Variants in IGSF9 observed in about 807,000 individuals in gnomAD.
IGSF9 encodes the protein immunoglobulin superfamily member 9.
A neutral mutation model predicts 121.7 loss-of-function variants in IGSF9; 87 were observed. The observed-to-expected ratio is 0.71, with a 90% CI of 0.60 to 0.85. The LOEUF is 0.85. Ranked by LOEUF, IGSF9 falls within the 40% of genes least tolerant of loss-of-function variation. The pLI, the probability that IGSF9 is intolerant of heterozygous loss-of-function variation, is 0.00. For missense variants in IGSF9, 1,462 were observed against 1,565.3 expected (o/e 0.93, Z 1.11); for synonymous variants, 640 against 648.4 (o/e 0.99, Z 0.20).
rs369791736 is a variant in IGSF9, at chr1:159,937,444, C to T, written c.400+242G>A. ...CAGGAGGGAAGAGAAAGAGGGAGTT[C>T]CTGACACCGAGCCTAGAAGGCTGAT... On this transcript the variant is annotated intron_variant, in intron 4 of 20. Transcript: ENST00000368094. Among the ~76,000 whole-genome samples, 28 of 152,134 alleles carry T rather than the reference C, an allele frequency of 1.8e-4. No individual in the cohort carries two copies. In the East Asian group the frequency reaches 5.4e-3, roughly 29 times the overall value.
chr1:159,942,431 G>A (rs1651415253), intron 3 of IGSF9, among the ~76,000 whole-genome samples: 1 of 152,122 alleles, frequency 6.6e-6, no homozygotes, highest in Non-Finnish European at 1.5e-5. Context: ...AGTGTCCCTG[G>A]AAAAGCAGAG....
chr1:159,930,873 A>C lies in IGSF9; in HGVS notation c.1638-6T>G. The stretch of plus-strand genomic sequence containing the variant: ...TTCGGTCAGGACGCTTGGCCCTGGG[A>C]GACATGAGGACATGGGGGGCACCTC... On this transcript the variant is annotated splice_polypyrimidine_tract_variant and splice_region_variant and intron_variant, in intron 13 of 20. Transcript: ENST00000368094. 1 of 1,596,750 alleles carries C rather than the reference A, an allele frequency of 6.3e-7. No individual in the cohort carries two copies. The highest frequency in any genetic ancestry group is 8.5e-7 in the Non-Finnish European group (1 of 1,171,110).
chr1:159,928,490 G>A lies in IGSF9; in HGVS notation c.2898C>T (p.Phe966=). 1 of 1,584,370 alleles carries A rather than the reference G, an allele frequency of 6.3e-7. No individual in the cohort carries two copies. Among genetic ancestry groups the A allele is most frequent in the South Asian group, 1.1e-5 (1 of 87,826 alleles). ...MDTRRCPTSS[F]LRSPETPPVS... Reference sequence around the variant, plus strand: ...CAGGAGGGGTTTCTGGAGAACGAAGGAAAGATGAGGTGGGACAGCGCCGGG... The same window carrying A: ...CAGGAGGGGTTTCTGGAGAACGAAGAAAAGATGAGGTGGGACAGCGCCGGG... Residue 966 remains phenylalanine, a synonymous_variant, in exon 19 of 21, where the codon TTC becomes TTT. Coordinates refer to ENST00000368094, the MANE Select transcript of IGSF9 (RefSeq NM_001135050.2).
At chr1:159,944,810 A>C in intron 1 of IGSF9, among the ~76,000 whole-genome samples, 1 of 151,996 alleles carries the variant, frequency 6.6e-6, no homozygotes, top group East Asian at 1.9e-4. Context: ...CTACTTAATG[A>C]TCCTGTATGT....
Position 159,936,310 on chromosome 1 carries a change from C to T in IGSF9, c.673+89G>A. The T allele has an allele frequency of 3.4e-6, 4 of 1,175,918 alleles. No individual in the cohort carries two copies. In the Admixed American group the frequency reaches 5.1e-5, roughly 15 times the overall value. 72.8% of individuals were successfully genotyped at this position (1,175,918 alleles called of 1,614,324 possible). The stretch of plus-strand genomic sequence containing the variant: ...GCCCTGCCCTCAGGCACAAATCTCC[C>T]TCCTATCTTGCTGTGAACCAATTCA... On this transcript the variant is annotated intron_variant, in intron 6 of 20. Coordinates refer to ENST00000368094, the MANE Select transcript of IGSF9 (RefSeq NM_001135050.2).
intron 7 of IGSF9, 37 bp downstream of exon 7, chr1:159,934,644 T>C: frequency 6.2e-7 from 1 of 1,614,028 alleles, no homozygotes; most frequent in Non-Finnish European, 8.5e-7. Flanking sequence ...TGTTTGTGAA[T>C]TCCCCACCTC....
rs762782876 is a variant in IGSF9, at chr1:159,927,097, C to CACACAG, written c.*247_*248insCTGTGT. On this transcript the variant is annotated 3_prime_UTR_variant, in exon 21 of 21. Coordinates refer to ENST00000368094, the MANE Select transcript of IGSF9 (RefSeq NM_001135050.2). Reference sequence around the variant, plus strand: ...AACTTCACACACACACACACACACACAGAGAGAGAGAGAGAGAGAGAGAGA... The same window carrying CACACAG: ...AACTTCACACACACACACACACACACACACAGAGAGAGAGAGAGAGAGAGAGAGAGA... 18 of 371,948 alleles carry CACACAG rather than the reference C, an allele frequency of 4.8e-5. No individual in the cohort carries two copies. The highest frequency in any genetic ancestry group is 3.3e-4 in the African/African-American group (14 of 42,330). The allele number at this position is 371,948 out of a possible 1,614,324, so 23.0% of individuals were successfully genotyped here.
chr1:159,937,048 C>T, intron 4 of IGSF9, 140 bp from the exon 5 acceptor site: 1 of 789,714 alleles, frequency 1.3e-6, no homozygotes, highest in Non-Finnish European at 2.0e-6. Context: ...CAGCCCAGGG[C>T]CACCCTGTCT....
In IGSF9 at chr1:159,934,296, G is replaced by A; in HGVS notation, c.998C>T (p.Pro333Leu). Residue 333 changes from proline to leucine, a missense_variant, in exon 9 of 21, where the codon CCC becomes CTC. Transcript: ENST00000368094. ...CACCCCCGGCATGCCTATGGGCAGG[G>A]GTGTCTCAGGAGGCATAGCTGTCAC... is the stretch of plus-strand genomic sequence containing the variant. The part of the protein sequence containing the change: ...AQVTAMPPET[P>L]LPIGMPGVIR... 6.2e-7 allele frequency: 1 copy of A among 1,609,876 alleles called. No homozygotes were observed. The highest frequency in any genetic ancestry group is 8.5e-7 in the Non-Finnish European group (1 of 1,177,938).
chr1:159,942,557 T>C (rs948567999), intron 3 of IGSF9, among the ~76,000 whole-genome samples: 2 of 152,040 alleles, frequency 1.3e-5, no homozygotes, highest in South Asian at 4.2e-4. Flanking sequence ...AGTGAGCAGA[T>C]AGTAGAGCCA....
At position 159,927,452 on chromosome 1, in the gene IGSF9, GGGCA is replaced by G. The variant is rs1387980431; in HGVS notation, c.3429_3432del (p.Ala1144PhefsTer39). 1 of 1,614,052 alleles carries G rather than the reference GGGCA, an allele frequency of 6.2e-7. No homozygotes were observed. Among genetic ancestry groups the G allele is most frequent in the Non-Finnish European group, 8.5e-7 (1 of 1,180,044 alleles). ...CGGAAGGCCAGGAATTCCTCCCGAA[GGGCA>G]GCACAGCGGGCCTCAGGGCCAGTAA... On this transcript the variant is annotated frameshift_variant, in exon 21 of 21. Coordinates refer to ENST00000368094, the MANE Select transcript of IGSF9 (RefSeq NM_001135050.2). LOFTEE classifies it high-confidence loss of function.
chr1:159,930,115 T>C (rs1333672554), intron 15 of IGSF9, 74 bp downstream of exon 15: 3 of 1,550,608 alleles, frequency 1.9e-6, no homozygotes, highest in Admixed American at 1.8e-5. Context: ...GATGAGAAGA[T>C]AGAGTTTGGG....
At chr1:159,938,672 A>G (rs116178342) in intron 3 of IGSF9, among the ~76,000 whole-genome samples, 3,106 of 152,338 alleles carry the variant, frequency 0.02, 75 homozygotes, top group South Asian at 0.11. Flanking sequence ...CTTGGGAGCC[A>G]GATAGACCTA....
chr1:159,935,554 T>C (rs57628189), intron 6 of IGSF9, among the ~76,000 whole-genome samples: 2,035 of 152,298 alleles, frequency 0.013, 58 homozygotes, highest in African/African-American at 0.046. Context: ...CTCTGGCTAC[T>C]ACAGTTCCAC....
intron 3 of IGSF9, among the ~76,000 whole-genome samples, chr1:159,942,464 G>A (rs1571221983): frequency 1.3e-5 from 2 of 152,108 alleles, no homozygotes; most frequent in South Asian, 4.1e-4. Flanking sequence ...CACCTACCCT[G>A]CTGCCCCATC....
chr1:159,943,336 AACACCCCCAT>A (rs1651467237), intron 2 of IGSF9, 51 bp downstream of exon 2: 1 of 1,451,776 alleles, frequency 6.9e-7, no homozygotes, highest in African/African-American at 1.4e-5. Flanking sequence ...ACCCTTGAGG[AACACCCCCAT>A]ACCCACCCCA....
At chr1:159,940,105 C>T (rs994394431) in intron 3 of IGSF9, among the ~76,000 whole-genome samples, 1 of 152,178 alleles carries the variant, frequency 6.6e-6, no homozygotes, top group African/African-American at 2.4e-5. Context: ...TCCATTGTAG[C>T]TGAAGGAATT....
At position 159,928,120 on chromosome 1, in the gene IGSF9, C is replaced by G. The variant is rs373320966; in HGVS notation, c.3230+38G>C. Reference sequence around the variant, plus strand: ...GAGGGGTGAGAGGTCTGGGGTGGGACTGAGGCGGAGGCAGGGATGGGCAGG... The same window carrying G: ...GAGGGGTGAGAGGTCTGGGGTGGGAGTGAGGCGGAGGCAGGGATGGGCAGG... On this transcript the variant is annotated intron_variant, in intron 19 of 20. Coordinates refer to ENST00000368094, the MANE Select transcript of IGSF9 (RefSeq NM_001135050.2). The G allele has an allele frequency of 1.3e-5, 21 of 1,591,030 alleles. No homozygotes were observed. The African/African-American group carries it at 2.3e-4, about 17-fold the overall frequency.
intron 15 of IGSF9, 70 bp from the exon 16 acceptor site, chr1:159,930,045 A>G (rs1283577500): frequency 1.3e-6 from 2 of 1,567,298 alleles, no homozygotes; most frequent in African/African-American, 1.3e-5. Flanking sequence ...GGGCGCGGAA[A>G]GACCGTGCAC....
Sources: gnomAD v4.1 joint callset for allele counts (sites outside exome capture counted in the v4.1 genomes callset) on GRCh38, gnomAD v4.1.1 for gene constraint, MANE v1.5 for transcripts, NCBI Gene and HGNC (gene_info 2026-07-23, HGNC 2026-07-21) for gene names.